Variants in PCDHA11 observed in about 807,000 individuals in gnomAD.
The protein encoded by PCDHA11 is protocadherin alpha 11.
A neutral mutation model predicts 70.3 loss-of-function variants in PCDHA11; 61 were observed. That is an observed-to-expected ratio of 0.87 (90% CI 0.71 to 1.07). The LOEUF (loss-of-function observed/expected upper bound fraction) is 1.07, where lower values mean the gene tolerates loss of function less well. PCDHA11 is among the 50% of genes least tolerant of loss of function. The probability of loss-of-function intolerance (pLI) is 0.00; values close to 1 mark genes in which losing one functional copy is unlikely to be tolerated. For synonymous variants in PCDHA11, 633 were observed against 555.1 expected (o/e 1.14, Z -1.97); for missense variants, 1,324 against 1,237.5 (o/e 1.07, Z -1.05).
chr5:140,963,927 T>C (rs1439271741), intron 1 of PCDHA11, among the ~76,000 whole-genome samples: 1 of 152,220 alleles, frequency 6.6e-6, no homozygotes, highest in East Asian at 1.9e-4. Context: ...AAGTAACATG[T>C]CCATAGCCAA....
chr5:140,928,168 A>T, intron 1 of PCDHA11: 3 of 1,614,174 alleles, frequency 1.9e-6, no homozygotes, highest in Non-Finnish European at 2.5e-6. Flanking sequence ...ACCCCCACTT[A>T]GCACCCGAAG....
intron 1 of PCDHA11, chr5:140,876,480 C>A (rs368324550): frequency 6.2e-7 from 1 of 1,613,992 alleles, no homozygotes; most frequent in Non-Finnish European, 8.5e-7. Context: ...ACAGCATGGT[C>A]CTGGTGGAAG....
At chr5:140,906,022 C>T (rs782487413) in intron 1 of PCDHA11, among the ~76,000 whole-genome samples, 9 of 152,192 alleles carry the variant, frequency 5.9e-5, no homozygotes, top group African/African-American at 1.2e-4. Context: ...AATCTCTCCA[C>T]GTTCTTCTGT....
At chr5:140,877,533 G>A (rs1554169813) in intron 1 of PCDHA11, 2 of 1,613,790 alleles carry the variant, frequency 1.2e-6, no homozygotes, top group South Asian at 2.2e-5. Context: ...TGGGCGCTGT[G>A]GATCCCGAAG....
chr5:140,901,270 C>T (rs2068553355), intron 1 of PCDHA11, among the ~76,000 whole-genome samples: 2 of 152,246 alleles, frequency 1.3e-5, no homozygotes, highest in South Asian at 4.1e-4. Flanking sequence ...TGGGGTATTA[C>T]TCAAGAAATT....
At chr5:140,986,393 C>T (rs1554248003) in intron 3 of PCDHA11, among the ~76,000 whole-genome samples, 1 of 152,148 alleles carries the variant, frequency 6.6e-6, no homozygotes, top group Non-Finnish European at 1.5e-5. Context: ...ATTAAAGGGC[C>T]AGTCGCTCAT....
At chr5:140,921,287 A>C (rs1563045357) in intron 1 of PCDHA11, among the ~76,000 whole-genome samples, 1 of 152,210 alleles carries the variant, frequency 6.6e-6, no homozygotes. Flanking sequence ...AAAAAACCTC[A>C]AATTTGCTGA....
At chr5:140,936,212 A>C (rs1294255399) in intron 1 of PCDHA11, among the ~76,000 whole-genome samples, 1 of 152,126 alleles carries the variant, frequency 6.6e-6, no homozygotes, top group African/African-American at 2.4e-5. Context: ...TTTTTTATTT[A>C]GTATTCTTTC....
chr5:140,885,385 T>C (rs2060578484), intron 1 of PCDHA11, among the ~76,000 whole-genome samples: 1 of 152,194 alleles, frequency 6.6e-6, no homozygotes, highest in South Asian at 2.1e-4. Flanking sequence ...TGGCAGTCCC[T>C]GCAAATCTAA....
chr5:141,004,351 G>T (rs547017222), intron 3 of PCDHA11, among the ~76,000 whole-genome samples: 1 of 152,332 alleles, frequency 6.6e-6, no homozygotes, highest in African/African-American at 2.4e-5. Flanking sequence ...TGAGGGACTG[G>T]AGAGACCACA....
rs1167461963 is a variant in PCDHA11 at position 140,968,386 on chromosome 5, G to A, written c.2392-10563G>A. 2.5e-6 allele frequency: 4 copies of A among 1,613,910 alleles called. No homozygotes were observed. The African/African-American group carries it at 4.0e-5, about 16-fold the overall frequency. On this transcript the variant is annotated intron_variant, in intron 1 of 3. Transcript: ENST00000398640. ...ATGCTGTCAACTCCTTTGACTATGA[G>A]AAGTTTCGGGAGTTCTTTGTGACTG...
chr5:140,877,458 G>T lies in PCDHA11; in HGVS notation c.2391+5964G>T, dbSNP rs200155876. 8.2e-5 allele frequency: 133 copies of T among 1,613,696 alleles called. 1 individual carries two copies. The highest frequency in any genetic ancestry group is 2.5e-5 in the Non-Finnish European group (30 of 1,179,864). ...ACGGTGAGCCCGCGCTGACGTCCAC[G>T]GCCACGGTGCTGGTGTCGCTGGTGG... On this transcript the variant is annotated intron_variant, in intron 1 of 3. Transcript: ENST00000398640.
At chr5:140,932,091 T>G (rs904157159) in intron 1 of PCDHA11, among the ~76,000 whole-genome samples, 1 of 151,872 alleles carries the variant, frequency 6.6e-6, no homozygotes, top group Non-Finnish European at 1.5e-5. Context: ...GAAAACATGG[T>G]TTTTATCTCT....
rs782205253 is a variant in PCDHA11, at chr5:140,927,557, T to C, written c.2392-51392T>C. 12 of 1,614,028 alleles carry C rather than the reference T, an allele frequency of 7.4e-6. No homozygotes were observed. In the East Asian group the frequency reaches 2.7e-4, roughly 36 times the overall value. On this transcript the variant is annotated intron_variant, in intron 1 of 3. Coordinates refer to ENST00000398640, the MANE Select transcript of PCDHA11 (RefSeq NM_018902.5). ...TCAGGAGACGCACAAGTCACCATCATTGTGGTGGACACAAATGACAACGCG... is the reference window on the plus strand; with the variant it reads ...TCAGGAGACGCACAAGTCACCATCACTGTGGTGGACACAAATGACAACGCG...
chr5:140,897,214 G>A (rs1355389573), intron 1 of PCDHA11, among the ~76,000 whole-genome samples: 1 of 151,764 alleles, frequency 6.6e-6, no homozygotes, highest in Non-Finnish European at 1.5e-5. Flanking sequence ...TTAAGTTTTA[G>A]GGTACATGTG....
rs148181752 is a variant in PCDHA11, at chr5:140,966,860, TTGCTGC to T, written c.2392-12081_2392-12076del. 7,760 of 1,577,476 alleles carry T rather than the reference TTGCTGC, an allele frequency of 4.9e-3. 268 individuals are homozygous for T. The African/African-American group carries it at 0.086, about 18-fold the overall frequency. ...GCTGCTACTGCCTCTCCTGCTGCTG[TTGCTGC>T]TGCTGCTACCTGGCCCTGCGGCCTC... On this transcript the variant is annotated intron_variant, in intron 1 of 3. Coordinates refer to ENST00000398640, the MANE Select transcript of PCDHA11 (RefSeq NM_018902.5).
At chr5:140,914,944 C>CTTTT (rs35695909) in intron 1 of PCDHA11, among the ~76,000 whole-genome samples, 1 of 128,266 alleles carries the variant, frequency 7.8e-6, no homozygotes, top group South Asian at 2.5e-4. Context: ...GAAAAGTTGT[C>CTTTT]TTTTTTTTTT....
chr5:140,998,987 G>A (rs1381033392), intron 3 of PCDHA11, among the ~76,000 whole-genome samples: 1 of 152,234 alleles, frequency 6.6e-6, no homozygotes. Context: ...ATAGTAGAAA[G>A]CAGAATGCTG....
At chr5:140,981,186 T>G (rs1307228709) in intron 2 of PCDHA11, among the ~76,000 whole-genome samples, 1 of 152,234 alleles carries the variant, frequency 6.6e-6, no homozygotes, top group Non-Finnish European at 1.5e-5. Flanking sequence ...AGTTCAAGTT[T>G]GCCTGCTCTG....
Sources: allele counts gnomAD v4.1 joint callset (sites outside exome capture counted in the v4.1 genomes callset), GRCh38; gene constraint gnomAD v4.1.1; transcripts MANE v1.5; gene names NCBI Gene and HGNC (gene_info 2026-07-23, HGNC 2026-07-21).